Variants in ARMH3 observed in about 807,000 individuals in gnomAD.
ARMH3 encodes the protein armadillo-like helical domain-containing protein 3.
Under a neutral mutation model 99.1 loss-of-function variants are expected in ARMH3, and 60 were observed. The observed-to-expected ratio is 0.61, with a 90% confidence interval of 0.49 to 0.75. ARMH3 has a LOEUF of 0.75. ARMH3 is among the 30% of genes least tolerant of loss of function. The probability of loss-of-function intolerance (pLI) is 0.00; values close to 1 mark genes in which losing one functional copy is unlikely to be tolerated. For missense variants in ARMH3, 679 were observed against 843.1 expected (o/e 0.81, Z 2.41); for synonymous variants, 285 against 292.8 (o/e 0.97, Z 0.27).
chr10:101,978,666 C>A (rs924079630), intron 19 of ARMH3, among the ~76,000 whole-genome samples: 3 of 152,004 alleles, frequency 2.0e-5, no homozygotes, highest in African/African-American at 7.2e-5. Flanking sequence ...TTAGGCCAGG[C>A]GCAGTAGCTC....
chr10:102,045,129 CAAAAA>C (rs574856341), intron 1 of ARMH3, among the ~76,000 whole-genome samples: 3 of 80,762 alleles, frequency 3.7e-5, no homozygotes, highest in African/African-American at 1.4e-4. Context: ...GCCCTTGTCT[CAAAAA>C]AAAAAAAAAA....
At chr10:101,977,437 T>C (rs1030541742) in intron 19 of ARMH3, among the ~76,000 whole-genome samples, 3 of 151,990 alleles carry the variant, frequency 2.0e-5, no homozygotes, top group Non-Finnish European at 4.4e-5. Context: ...TAAAAAAAAA[T>C]TCAATGATTA....
At chr10:101,902,757 C>A (rs1406820359) in intron 23 of ARMH3, among the ~76,000 whole-genome samples, 1 of 152,066 alleles carries the variant, frequency 6.6e-6, no homozygotes, top group Admixed American at 6.5e-5. Flanking sequence ...AGCAGCGCTG[C>A]CCAGGAGAGG....
At chr10:102,029,933 T>G (rs989801478) in intron 4 of ARMH3, among the ~76,000 whole-genome samples, 188 bp from the exon 5 acceptor site, 5 of 151,642 alleles carry the variant, frequency 3.3e-5, no homozygotes, top group African/African-American at 1.2e-4. Flanking sequence ...TGTTTGTTTT[T>G]TTTTTTGAGA....
At chr10:102,034,041 C>T (rs2067194374) in intron 2 of ARMH3, among the ~76,000 whole-genome samples, 1 of 152,156 alleles carries the variant, frequency 6.6e-6, no homozygotes, top group African/African-American at 2.4e-5. Flanking sequence ...TTATCACCGT[C>T]CTCCCATTTT....
intron 23 of ARMH3, among the ~76,000 whole-genome samples, chr10:101,907,119 G>A (rs1295697352): frequency 6.6e-6 from 1 of 152,090 alleles, no homozygotes; most frequent in African/African-American, 2.4e-5. Flanking sequence ...GTCTACCAAC[G>A]GGGAGACGAC....
chr10:102,003,000 T>A (rs556978193), intron 14 of ARMH3, among the ~76,000 whole-genome samples: 78 of 140,462 alleles, frequency 5.6e-4, no homozygotes, highest in African/African-American at 1.7e-3. Flanking sequence ...AATAAATAAA[T>A]AAAAACAGAT....
intron 1 of ARMH3, among the ~76,000 whole-genome samples, chr10:102,045,223 C>A (rs1182183724): frequency 1.3e-5 from 2 of 151,252 alleles, no homozygotes; most frequent in Non-Finnish European, 2.9e-5. Flanking sequence ...ATTCATTCGA[C>A]AAATTTTTTT....
intron 9 of ARMH3, among the ~76,000 whole-genome samples, chr10:102,013,608 T>C (rs2066678640): frequency 6.6e-6 from 1 of 152,214 alleles, no homozygotes; most frequent in African/African-American, 2.4e-5. Flanking sequence ...ATAAATACTA[T>C]CTGGCTAGTT....
rs71471223 is a variant in ARMH3 at position 101,880,351 on chromosome 10, T to C, written c.1860+9061A>G. Among the ~76,000 whole-genome samples the C allele has an allele frequency of 7.9e-3, 1,202 of 152,260 alleles. 12 individuals are homozygous for C. Among genetic ancestry groups the C allele is most frequent in the Non-Finnish European group, 0.013 (893 of 68,018 alleles). ...CTTAGAGAGGCCTCAATTACCCTAT[T>C]TGAGATCCAAAGCTTCCCTGGGGAA... On this transcript the variant is annotated intron_variant, in intron 24 of 25. Transcript: ENST00000370033.
At chr10:102,006,487 T>G in intron 14 of ARMH3, 53 bp downstream of exon 14, 1 of 1,560,156 alleles carries the variant, frequency 6.4e-7, no homozygotes, top group South Asian at 1.1e-5. Context: ...ATGCTCACTC[T>G]GAGAGATCTA....
rs145503461 is a variant in ARMH3, at chr10:101,962,356, A to C, written c.1496-4624T>G. Reference sequence around the variant, plus strand: ...CTCCAGAAGAATGACAACTACTACAAGTTAATAACTGTGTCCAGAAGCTCA... The same window carrying C: ...CTCCAGAAGAATGACAACTACTACACGTTAATAACTGTGTCCAGAAGCTCA... On this transcript the variant is annotated intron_variant, in intron 20 of 25. Transcript: ENST00000370033. Among the ~76,000 whole-genome samples the C allele has an allele frequency of 4.3e-4, 65 of 152,296 alleles. 1 individual carries two copies. In the East Asian group the frequency reaches 0.011, roughly 27 times the overall value.
At chr10:102,016,674 G>A (rs1191142012) in intron 8 of ARMH3, among the ~76,000 whole-genome samples, 6 of 152,196 alleles carry the variant, frequency 3.9e-5, no homozygotes, top group Non-Finnish European at 8.8e-5. Flanking sequence ...ATCTTATGTT[G>A]TGAAAATTTC....
At chr10:101,924,682 G>A (rs1254248362) in intron 23 of ARMH3, among the ~76,000 whole-genome samples, 5 of 151,942 alleles carry the variant, frequency 3.3e-5, no homozygotes, top group Non-Finnish European at 7.4e-5. Context: ...TAATAAGCAA[G>A]TAGCATTAAA....
intron 15 of ARMH3, among the ~76,000 whole-genome samples, chr10:101,998,512 AG>A (rs1438706895): frequency 2.0e-5 from 3 of 152,218 alleles, no homozygotes; most frequent in African/African-American, 7.2e-5. Context: ...GGAAGAAAAA[AG>A]TCTAAGTTTG....
Position 101,975,270 on chromosome 10 carries a change from G to C in ARMH3, c.1437C>G (p.Leu479=), listed in dbSNP as rs369099326. The C allele has an allele frequency of 2.5e-6, 4 of 1,612,664 alleles. No homozygotes were observed. The highest frequency in any genetic ancestry group is 3.4e-6 in the Non-Finnish European group (4 of 1,179,110). Residue 479 remains leucine (L), a synonymous_variant, in exon 20 of 26, where the codon CTC becomes CTG. Transcript: ENST00000370033. ...IRCIQVVHKL[L]CYQKKCRVRL... is the part of the protein sequence containing the mutation. Reference sequence around the variant, plus strand: ...GTACCCGACACTTCTTCTGGTAGCAGAGCAGTTTGTGTACTACCTGGATGC... The same window carrying C: ...GTACCCGACACTTCTTCTGGTAGCACAGCAGTTTGTGTACTACCTGGATGC...
At chr10:102,033,366 G>A (rs1390190662) in intron 2 of ARMH3, 27 bp from the exon 3 acceptor site, 3 of 1,607,778 alleles carry the variant, frequency 1.9e-6, no homozygotes, top group Admixed American at 3.4e-5. Flanking sequence ...AGCACATTCA[G>A]CCTTCCCAGC....
chr10:101,911,217 G>A (rs1156361749), intron 23 of ARMH3, among the ~76,000 whole-genome samples: 1 of 152,096 alleles, frequency 6.6e-6, no homozygotes, highest in Non-Finnish European at 1.5e-5. Flanking sequence ...ACACAGTTCT[G>A]GGTATATTTT....
At chr10:101,954,715 C>A (rs1333350443) in intron 22 of ARMH3, among the ~76,000 whole-genome samples, 1 of 152,002 alleles carries the variant, frequency 6.6e-6, no homozygotes, top group Non-Finnish European at 1.5e-5. Context: ...TAATAAAAAA[C>A]AAGTTTTTTT....
Sources: gnomAD v4.1 joint callset for allele counts (sites outside exome capture counted in the v4.1 genomes callset) on GRCh38, gnomAD v4.1.1 for gene constraint, MANE v1.5 for transcripts, NCBI Gene and HGNC (gene_info 2026-07-23, HGNC 2026-07-21) for gene names.